The following PTPRN2 variants were observed in gnomAD, a reference collection of about 807,000 sequenced individuals.
PTPRN2 encodes receptor-type tyrosine-protein phosphatase N2.
Under a neutral mutation model 118.8 loss-of-function variants are expected in PTPRN2, and 74 were observed. That is an observed-to-expected ratio of 0.62 (90% CI 0.52 to 0.76). PTPRN2 has a LOEUF of 0.76. Ranked by LOEUF, PTPRN2 falls within the 30% of genes least tolerant of loss-of-function variation. The pLI is 0.00. For missense variants in PTPRN2, 1,481 were observed against 1,394.4 expected (o/e 1.06, Z -0.99); for synonymous variants, 641 against 608.0 (o/e 1.05, Z -0.80).
At chr7:158,298,512 T>C (rs1050691623) in intron 3 of PTPRN2, among the ~76,000 whole-genome samples, 2 of 152,218 alleles carry the variant, frequency 1.3e-5, no homozygotes, top group Non-Finnish European at 2.9e-5. Flanking sequence ...ATAGAAGGCC[T>C]GAAGGTAATG....
At position 157,881,718 on chromosome 7, in the gene PTPRN2, T is replaced by G. The variant is rs1796141802; in HGVS notation, c.1788+16955A>C. On this transcript the variant is annotated intron_variant, in intron 12 of 22. Coordinates refer to ENST00000389418, the MANE Select transcript of PTPRN2 (RefSeq NM_002847.5). This position sits in a 1 kb window ranked among gnomAD's most constrained non-coding sequence, Gnocchi z 4.7. ...ACAGAAGAAAGTTACTTCTTAAGAA[T>G]GTTCTTTTTGCTTTATGATCTCATT... Among the ~76,000 whole-genome samples, 1 of 151,120 alleles carries G rather than the reference T, an allele frequency of 6.6e-6. No homozygotes were observed. The highest frequency in any genetic ancestry group is 6.6e-5 in the Admixed American group (1 of 15,184).
chr7:158,495,604 C>G (rs891801351), intron 1 of PTPRN2, among the ~76,000 whole-genome samples: 8 of 152,156 alleles, frequency 5.3e-5, no homozygotes, highest in African/African-American at 1.7e-4. Flanking sequence ...CAAGGAGTCC[C>G]CACACCCCAC....
rs75342378 is a variant in PTPRN2, at chr7:157,652,985, T to C, written c.2196+3372A>G. On this transcript the variant is annotated intron_variant, in intron 14 of 22. Transcript: ENST00000389418. ...GGGGGCTCTCGGGGCCAGGAGGCCC[T>C]TCCTGTGGGGCCACAGCCAGGCCAG... 4.9e-4 allele frequency among the ~76,000 whole-genome samples: 75 copies of C among 152,294 alleles called. 3 individuals carry two copies. In the East Asian group the frequency reaches 0.014, roughly 28 times the overall value.
intron 10 of PTPRN2, among the ~76,000 whole-genome samples, chr7:158,087,232 T>C (rs2128938590): frequency 6.6e-6 from 1 of 152,354 alleles, no homozygotes; most frequent in Non-Finnish European, 1.5e-5. Flanking sequence ...CCGCACGCTG[T>C]ACTGCTTTCT....
At chr7:158,200,599 T>A (rs537888188) in intron 4 of PTPRN2, among the ~76,000 whole-genome samples, 1 of 152,314 alleles carries the variant, frequency 6.6e-6, no homozygotes, top group East Asian at 1.9e-4. Context: ...ATCCTGCAAA[T>A]AGTTATACAA....
At chr7:158,257,584 T>C (rs560230537) in intron 3 of PTPRN2, among the ~76,000 whole-genome samples, 1 of 152,126 alleles carries the variant, frequency 6.6e-6, no homozygotes, top group Non-Finnish European at 1.5e-5. Flanking sequence ...GAGCCCCCAG[T>C]TGGGTGAGCA....
chr7:158,071,384 C>CCTGGTGGAGATGCTCGTG (rs1554528321), intron 11 of PTPRN2, among the ~76,000 whole-genome samples: 3 of 27,964 alleles, frequency 1.1e-4, no homozygotes, highest in Non-Finnish European at 6.6e-5. Flanking sequence ...TGGAGGTGCT[C>CCTGGTGGAGATGCTCGTG]GTGGTGGAGG....
rs561034790 is a variant in PTPRN2, at chr7:157,724,691, G to C, written c.1789-41754C>G. ...TCTCACAAAGCCTGTTTATGATAAA[G>C]TGCTGAAGATATCAGGCCATTTCTT... On this transcript the variant is annotated intron_variant, in intron 12 of 22. Transcript: ENST00000389418. 4.0e-4 allele frequency among the ~76,000 whole-genome samples: 61 copies of C among 152,320 alleles called. No homozygotes were observed. The South Asian group carries it at 0.011, about 27-fold the overall frequency.
intron 11 of PTPRN2, among the ~76,000 whole-genome samples, chr7:158,068,689 C>T (rs1397434293): frequency 6.6e-6 from 1 of 152,230 alleles, no homozygotes; most frequent in African/African-American, 2.4e-5. Flanking sequence ...GCACCTTAAG[C>T]TCCTGCCACC....
At chr7:158,542,156 G>C (rs925999613) in intron 1 of PTPRN2, among the ~76,000 whole-genome samples, 1 of 151,998 alleles carries the variant, frequency 6.6e-6, no homozygotes, top group Non-Finnish European at 1.5e-5. Context: ...TTGTTGTTTT[G>C]TGTTTTTTGT....
rs1322074747 is a variant in PTPRN2 at position 157,603,944 on chromosome 7, GC to G, written c.2418+57del. ...CCCCGAGAACCTTCCCACGTGATTTGCCGCGTCCGTGCCACCCAAGGGAAAG... is the reference window on the plus strand; with the variant it reads ...CCCCGAGAACCTTCCCACGTGATTTGCGCGTCCGTGCCACCCAAGGGAAAG... On this transcript the variant is annotated intron_variant, in intron 16 of 22. Transcript: ENST00000389418. This position sits in a 1 kb window ranked among gnomAD's most constrained non-coding sequence, Gnocchi z 5.4. 6.6e-7 allele frequency: 1 copy of G among 1,504,574 alleles called. No individual in the cohort carries two copies. The highest frequency in any genetic ancestry group is 9.2e-7 in the Non-Finnish European group (1 of 1,083,660). The allele number at this position is 1,504,574 out of a possible 1,614,324, so 93.2% of individuals were successfully genotyped here. A position where few individuals can be genotyped will look rare whatever the true frequency, so the allele number is the denominator to read the frequency against.
chr7:158,224,496 T>C (rs556215311), intron 3 of PTPRN2, among the ~76,000 whole-genome samples: 1 of 152,108 alleles, frequency 6.6e-6, no homozygotes, highest in Non-Finnish European at 1.5e-5. Context: ...GTAGGAAAAT[T>C]TGCCTTTTCA....
chr7:157,938,063 T>C (rs983226671), intron 11 of PTPRN2, among the ~76,000 whole-genome samples: 15 of 152,206 alleles, frequency 9.9e-5, no homozygotes, highest in African/African-American at 3.6e-4. Context: ...TTCTGCACAA[T>C]GTGAACCCCG....
intron 12 of PTPRN2, among the ~76,000 whole-genome samples, chr7:157,867,477 T>C (rs1246768547): frequency 8.5e-6 from 1 of 118,266 alleles, no homozygotes; most frequent in Admixed American, 8.5e-5. Flanking sequence ...GCCACCACCC[T>C]GTCCCTGACG....
chr7:158,329,736 C>G (rs1586287337), intron 2 of PTPRN2, among the ~76,000 whole-genome samples: 1 of 152,308 alleles, frequency 6.6e-6, no homozygotes, highest in African/African-American at 2.4e-5. Context: ...AATTAAGGCA[C>G]AGGGAGGTTA....
In PTPRN2 at chr7:157,752,572, C is replaced by T. The variant is rs536677761; in HGVS notation, c.1789-69635G>A. ...TCCCTGTTTCCAGCTGGCTTCTTCA[C>T]CCGAAAGCCCATCCTCGTCTTATCA... On this transcript the variant is annotated intron_variant, in intron 12 of 22. Coordinates refer to ENST00000389418, the MANE Select transcript of PTPRN2 (RefSeq NM_002847.5). Among the ~76,000 whole-genome samples the T allele has an allele frequency of 4.5e-4, 68 of 152,316 alleles. 1 individual carries two copies. In the South Asian group the frequency reaches 0.012, roughly 27 times the overall value.
intron 22 of PTPRN2, among the ~76,000 whole-genome samples, chr7:157,546,751 C>T (rs141048959): frequency 1.1e-4 from 16 of 152,296 alleles, no homozygotes. Flanking sequence ...AACGGAAGAC[C>T]TGGCATGTAA....
At chr7:158,033,949 G>A (rs758133950) in intron 11 of PTPRN2, among the ~76,000 whole-genome samples, 21 of 126,004 alleles carry the variant, frequency 1.7e-4, no homozygotes, top group Admixed American at 8.0e-5. Context: ...CAGCAATGCT[G>A]TGTGTGTGGC....
chr7:158,074,292 C>T lies in PTPRN2; in HGVS notation c.1723+7006G>A, dbSNP rs559765622. On this transcript the variant is annotated intron_variant, in intron 11 of 22. Transcript: ENST00000389418. The stretch of plus-strand genomic sequence containing the variant: ...ACGATCCCTCTGCTGGGAGGCTGGG[C>T]GTTCCGTGGAGAGAACAGCTGAGAC... 4.6e-5 allele frequency among the ~76,000 whole-genome samples: 7 copies of T among 152,310 alleles called. No individual in the cohort carries two copies. The East Asian group carries it at 7.7e-4, about 17-fold the overall frequency.
Sources: allele counts gnomAD v4.1 joint callset (sites outside exome capture counted in the v4.1 genomes callset), GRCh38; gene constraint gnomAD v4.1.1; non-coding constraint Gnocchi (gnomAD v3.1); transcripts MANE v1.5; gene names NCBI Gene and HGNC (gene_info 2026-07-23, HGNC 2026-07-21).